Variants in CADM2 observed in about 807,000 individuals in gnomAD.
The protein encoded by CADM2 is cell adhesion molecule 2, also known as immunoglobulin superfamily member 4D.
A neutral mutation model predicts 49.8 loss-of-function variants in CADM2; 12 were observed. The ratio of observed to expected loss-of-function variants is 0.24; its 90% confidence interval spans 0.15 to 0.39. The LOEUF is 0.39. CADM2 is among the 10% of genes least tolerant of loss of function. The pLI, the probability that CADM2 is intolerant of heterozygous loss-of-function variation, is 1.00. For synonymous variants in CADM2, 214 were observed against 175.4 expected (o/e 1.22, Z -1.74); for missense variants, 378 against 492.3 (o/e 0.77, Z 2.20).
chr3:85,737,580 C>T (rs1301173863), intron 2 of CADM2, among the ~76,000 whole-genome samples: 1 of 124,984 alleles, frequency 8.0e-6, no homozygotes, highest in Admixed American at 8.6e-5. Context: ...TTTTTTGAGA[C>T]GGAGTTTCTC....
At chr3:85,414,233 C>T (rs1389360405) in intron 1 of CADM2, among the ~76,000 whole-genome samples, 2 of 152,108 alleles carry the variant, frequency 1.3e-5, no homozygotes, top group East Asian at 3.9e-4. Context: ...TACGATATCT[C>T]TTCTGTTTAT....
At chr3:85,634,082 G>A (rs866362609) in intron 1 of CADM2, among the ~76,000 whole-genome samples, 1 of 151,956 alleles carries the variant, frequency 6.6e-6, no homozygotes, top group Admixed American at 6.6e-5. Flanking sequence ...CCTTGCTTGC[G>A]ACTGCTCATA....
Position 85,999,261 on chromosome 3 carries a change from G to A in CADM2, c.970+37614G>A, listed in dbSNP as rs1402439000. Among the ~76,000 whole-genome samples the A allele has an allele frequency of 2.0e-5, 3 of 147,596 alleles. 1 individual carries two copies. The South Asian group carries it at 6.5e-4, about 32-fold the overall frequency. On this transcript the variant is annotated intron_variant, in intron 8 of 9. Coordinates refer to ENST00000383699, the MANE Select transcript of CADM2 (RefSeq NM_001167675.2). The stretch of plus-strand genomic sequence containing the variant: ...CACCTGTAATCCCATCACTTTGGGA[G>A]GCCGAGGGTTGGGGGGTGGATCACT...
chr3:85,419,428 A>G (rs570229138), intron 1 of CADM2, among the ~76,000 whole-genome samples: 3 of 150,878 alleles, frequency 2.0e-5, no homozygotes, highest in African/African-American at 7.3e-5. Flanking sequence ...ACTGCACTCC[A>G]GCCTGGGCGA....
At chr3:85,079,836 A>C (rs2107497315) in intron 1 of CADM2, among the ~76,000 whole-genome samples, 1 of 152,058 alleles carries the variant, frequency 6.6e-6, no homozygotes, top group Middle Eastern at 3.4e-3. Flanking sequence ...ATACCCCTTT[A>C]GATAATGCAT....
At chr3:85,523,244 TTC>T (rs2061071597) in intron 1 of CADM2, among the ~76,000 whole-genome samples, 1 of 152,062 alleles carries the variant, frequency 6.6e-6, no homozygotes, top group Non-Finnish European at 1.5e-5. Context: ...CAAAACACAT[TTC>T]TGTTTCAAAT....
chr3:85,926,743 G>T (rs1169003977), intron 6 of CADM2, among the ~76,000 whole-genome samples: 1 of 152,022 alleles, frequency 6.6e-6, no homozygotes, highest in Non-Finnish European at 1.5e-5. Context: ...TATTTTAAAA[G>T]AATATTTTTT....
chr3:85,610,964 C>T (rs1037806476), intron 1 of CADM2, among the ~76,000 whole-genome samples: 4 of 151,850 alleles, frequency 2.6e-5, no homozygotes, highest in Admixed American at 6.6e-5. Flanking sequence ...GATGTAACAT[C>T]AGTGGAGGAC....
At chr3:85,071,702 T>C (rs2107474720) in intron 1 of CADM2, among the ~76,000 whole-genome samples, 1 of 152,204 alleles carries the variant, frequency 6.6e-6, no homozygotes, top group East Asian at 1.9e-4. Flanking sequence ...TAAATCAAAA[T>C]GACTGCTCAA....
At chr3:85,515,524 G>A (rs1005334252) in intron 1 of CADM2, among the ~76,000 whole-genome samples, 3 of 148,794 alleles carry the variant, frequency 2.0e-5, no homozygotes, top group Non-Finnish European at 4.4e-5. Flanking sequence ...CCGGGTTCAA[G>A]CGATTCTCCT....
chr3:85,863,062 G>A (rs2075596042), intron 3 of CADM2, among the ~76,000 whole-genome samples: 1 of 152,122 alleles, frequency 6.6e-6, no homozygotes, highest in Non-Finnish European at 1.5e-5. Flanking sequence ...TTAAATGTAT[G>A]GGTAATGGGT....
intron 8 of CADM2, among the ~76,000 whole-genome samples, chr3:86,049,343 T>C (rs1290514194): frequency 6.6e-6 from 1 of 151,622 alleles, no homozygotes; most frequent in African/African-American, 2.4e-5. Flanking sequence ...GGTGTGATCT[T>C]GGCTCACTGC....
At chr3:85,007,574 C>G (rs1017478781) in intron 1 of CADM2, among the ~76,000 whole-genome samples, 1 of 151,996 alleles carries the variant, frequency 6.6e-6, no homozygotes, top group African/African-American at 2.4e-5. Flanking sequence ...GAGTTTAACT[C>G]CGAGAGAATG....
chr3:85,004,272 T>C (rs2033615008), intron 1 of CADM2, among the ~76,000 whole-genome samples: 1 of 152,112 alleles, frequency 6.6e-6, no homozygotes. Flanking sequence ...ATAACACAAA[T>C]ATCTTTTTCT....
chr3:85,839,096 T>A (rs2074528052), intron 3 of CADM2, among the ~76,000 whole-genome samples: 1 of 151,768 alleles, frequency 6.6e-6, no homozygotes, highest in Admixed American at 6.6e-5. Context: ...AATGCCTACT[T>A]GTCACAGCTA....
intron 1 of CADM2, among the ~76,000 whole-genome samples, chr3:85,472,030 C>T (rs2038792817): frequency 6.6e-6 from 1 of 151,734 alleles, no homozygotes; most frequent in Non-Finnish European, 1.5e-5. Flanking sequence ...GTGAAGAGAA[C>T]CTTGAAATAT....
intron 1 of CADM2, among the ~76,000 whole-genome samples, chr3:85,297,315 G>A (rs1448742296): frequency 1.3e-5 from 2 of 152,036 alleles, no homozygotes; most frequent in African/African-American, 2.4e-5. Flanking sequence ...CTGAACTCTA[G>A]CATTTGAAGG....
chr3:85,426,572 C>T (rs1270956321), intron 1 of CADM2, among the ~76,000 whole-genome samples: 2 of 152,138 alleles, frequency 1.3e-5, no homozygotes, highest in Middle Eastern at 3.4e-3. Context: ...AAAAAATAAT[C>T]ACATAATGGA....
intron 1 of CADM2, among the ~76,000 whole-genome samples, chr3:85,500,169 A>G (rs1008442180): frequency 6.6e-6 from 1 of 152,176 alleles, no homozygotes; most frequent in Non-Finnish European, 1.5e-5. Flanking sequence ...AGTTTTTCCT[A>G]ACATTCTGTG....
Sources: allele counts gnomAD v4.1 joint callset (sites outside exome capture counted in the v4.1 genomes callset), GRCh38; gene constraint gnomAD v4.1.1; transcripts MANE v1.5; gene names NCBI Gene and HGNC (gene_info 2026-07-23, HGNC 2026-07-21).